Variants in GRM5 observed in about 807,000 individuals in gnomAD.
GRM5 encodes the protein glutamate metabotropic receptor 5.
A neutral mutation model predicts 83.1 loss-of-function variants in GRM5; 19 were observed. The observed-to-expected ratio is 0.23, with a 90% CI of 0.16 to 0.34. The LOEUF (loss-of-function observed/expected upper bound fraction) is 0.34. GRM5 is among the 10% of genes least tolerant of loss of function. GRM5 has a pLI of 1.00. For missense variants in GRM5, 1,160 were observed against 1,588.3 expected (o/e 0.73, Z 4.58); for synonymous variants, 675 against 633.6 (o/e 1.07, Z -0.98).
chr11:88,522,132 T>C (rs1352486844), intron 9 of GRM5, among the ~76,000 whole-genome samples: 3 of 152,134 alleles, frequency 2.0e-5, no homozygotes, highest in Non-Finnish European at 4.4e-5. Flanking sequence ...GTCCCAGATG[T>C]TTGCAGAGTA....
rs564732305 is a variant in GRM5 at position 88,819,850 on chromosome 11, C to T, written c.911+30056G>A. On this transcript the variant is annotated intron_variant, in intron 3 of 9. Transcript: ENST00000305447. ...TGCTGCTTTATCCCATGTTGGCAGA[C>T]AAAAAGGCGAGCAAATATGTGTGCG... Among the ~76,000 whole-genome samples the T allele has an allele frequency of 2.4e-4, 36 of 152,130 alleles. 1 individual carries two copies. In the South Asian group the frequency reaches 7.1e-3, roughly 30 times the overall value.
intron 3 of GRM5, among the ~76,000 whole-genome samples, chr11:88,740,560 G>A (rs536715189): frequency 9.2e-5 from 14 of 152,168 alleles, no homozygotes; most frequent in Middle Eastern, 3.4e-3. Context: ...AGATAAGGAA[G>A]TTGAGACACA....
chr11:88,928,865 A>T (rs1343346148), intron 2 of GRM5, among the ~76,000 whole-genome samples: 1 of 148,110 alleles, frequency 6.8e-6, no homozygotes, highest in Non-Finnish European at 1.5e-5. Context: ...TATGGATGAA[A>T]TTTTTTTCCC....
chr11:88,900,582 C>T (rs907927844), intron 2 of GRM5, among the ~76,000 whole-genome samples: 8 of 152,054 alleles, frequency 5.3e-5, no homozygotes, highest in Non-Finnish European at 1.0e-4. Flanking sequence ...TATACTGATG[C>T]TATTAAAACA....
At chr11:88,532,467 T>G (rs1942034748) in intron 8 of GRM5, among the ~76,000 whole-genome samples, 2 of 152,126 alleles carry the variant, frequency 1.3e-5, no homozygotes, top group Non-Finnish European at 1.5e-5. Flanking sequence ...TAAGGGATTT[T>G]CATACCAAAA....
chr11:88,872,757 G>GA (rs969159892), intron 2 of GRM5, among the ~76,000 whole-genome samples: 15 of 151,122 alleles, frequency 9.9e-5, no homozygotes, highest in Non-Finnish European at 1.0e-4. Context: ...CATATTACTA[G>GA]AAAAAATCAC....
chr11:88,524,236 G>A (rs76806826), intron 9 of GRM5, among the ~76,000 whole-genome samples: 4 of 30,670 alleles, frequency 1.3e-4, no homozygotes, highest in African/African-American at 7.0e-4. Context: ...TTTTTTTTTT[G>A]AGACAGTTTT....
intron 3 of GRM5, among the ~76,000 whole-genome samples, chr11:88,813,520 A>T (rs1002707215): frequency 2.6e-5 from 4 of 152,158 alleles, no homozygotes; most frequent in African/African-American, 9.7e-5. Context: ...ATATGCTTGA[A>T]ACATTTTGGG....
At chr11:88,651,728 G>A (rs1238068532) in intron 4 of GRM5, among the ~76,000 whole-genome samples, 1 of 152,006 alleles carries the variant, frequency 6.6e-6, no homozygotes, top group African/African-American at 2.4e-5. Flanking sequence ...ACACTATGTT[G>A]CAATGATTTC....
chr11:88,614,404 C>A (rs1442311695), intron 4 of GRM5, among the ~76,000 whole-genome samples: 2 of 152,066 alleles, frequency 1.3e-5, no homozygotes, highest in Non-Finnish European at 2.9e-5. Context: ...TCATAATAAC[C>A]TTTAGTCACT....
At chr11:88,734,761 C>G (rs1941878342) in intron 3 of GRM5, among the ~76,000 whole-genome samples, 1 of 151,974 alleles carries the variant, frequency 6.6e-6, no homozygotes, top group African/African-American at 2.4e-5. Flanking sequence ...CAAAATATAA[C>G]ACTTGGTACA....
chr11:88,958,733 A>T (rs1010087584), intron 2 of GRM5, among the ~76,000 whole-genome samples: 1 of 152,186 alleles, frequency 6.6e-6, no homozygotes, highest in Admixed American at 6.5e-5. Flanking sequence ...ACTTTTGTTT[A>T]TGTGGGCAAT....
At chr11:88,930,302 TACTCAGGA>T (rs1440646905) in intron 2 of GRM5, among the ~76,000 whole-genome samples, 1 of 151,944 alleles carries the variant, frequency 6.6e-6, no homozygotes, top group African/African-American at 2.4e-5. Flanking sequence ...TAGTCCCAGC[TACTCAGGA>T]GGCTGAGGCA....
At chr11:88,988,417 C>T (rs1591024307) in intron 2 of GRM5, among the ~76,000 whole-genome samples, 4 of 148,458 alleles carry the variant, frequency 2.7e-5, no homozygotes, top group East Asian at 2.0e-4. Flanking sequence ...GAGAATGGAA[C>T]CAAGTTGGAA....
At chr11:88,578,471 G>A (rs193297093) in intron 7 of GRM5, among the ~76,000 whole-genome samples, 47 of 152,244 alleles carry the variant, frequency 3.1e-4, no homozygotes, top group Non-Finnish European at 5.6e-4. Context: ...TGACCACAAT[G>A]CCATTGTTTT....
At chr11:88,983,605 A>T (rs1486725512) in intron 2 of GRM5, among the ~76,000 whole-genome samples, 1 of 152,194 alleles carries the variant, frequency 6.6e-6, no homozygotes, top group Non-Finnish European at 1.5e-5. Flanking sequence ...ATACAGTTAC[A>T]TACAGTACCT....
chr11:88,956,666 C>T (rs1410284616), intron 2 of GRM5, among the ~76,000 whole-genome samples: 1 of 152,116 alleles, frequency 6.6e-6, no homozygotes, highest in African/African-American at 2.4e-5. Flanking sequence ...ATTAGCCGGG[C>T]GCGGTGGCGG....
At chr11:88,884,492 T>C (rs553722187) in intron 2 of GRM5, among the ~76,000 whole-genome samples, 1 of 152,312 alleles carries the variant, frequency 6.6e-6, no homozygotes, top group African/African-American at 2.4e-5. Flanking sequence ...GTGGGCTTTT[T>C]AGTTAATGCT....
At chr11:88,628,132 T>G (rs1456145791) in intron 4 of GRM5, among the ~76,000 whole-genome samples, 1 of 152,204 alleles carries the variant, frequency 6.6e-6, no homozygotes, top group Non-Finnish European at 1.5e-5. Flanking sequence ...ACTCAAAGAC[T>G]AGCTATGTCA....
Sources: gnomAD v4.1 joint callset for allele counts (sites outside exome capture counted in the v4.1 genomes callset) on GRCh38, gnomAD v4.1.1 for gene constraint, MANE v1.5 for transcripts, NCBI Gene and HGNC (gene_info 2026-07-23, HGNC 2026-07-21) for gene names.